Variants in TACC1 observed in about 807,000 individuals in gnomAD.
TACC1 encodes the protein transforming acidic coiled-coil containing protein 1, also known as transforming acidic coiled-coil-containing protein 1.
TACC1 carries 48 observed loss-of-function variants against 84.4 expected under a neutral mutation model. The observed-to-expected ratio is 0.57, with a 90% confidence interval of 0.45 to 0.72. TACC1 has a LOEUF of 0.72. Ranked by LOEUF, TACC1 falls within the 30% of genes least tolerant of loss-of-function variation. The probability of loss-of-function intolerance (pLI) is 0.00; values close to 1 mark genes in which losing one functional copy is unlikely to be tolerated. For synonymous variants in TACC1, 372 were observed against 376.3 expected, an observed-to-expected ratio of 0.99 and a Z score of 0.13; for missense variants, 920 against 973.0, an observed-to-expected ratio of 0.95 and a Z score of 0.72.
chr8:38,730,861 T>C (rs1293872101), intron 1 of TACC1, among the ~76,000 whole-genome samples: 1 of 152,214 alleles, frequency 6.6e-6, no homozygotes, highest in East Asian at 1.9e-4. Context: ...TTAGAATTCT[T>C]GTCCAAACTG....
chr8:38,839,296 T>C (rs1830781293), intron 8 of TACC1: 1 of 395,302 alleles, frequency 2.5e-6, no homozygotes, highest in African/African-American at 2.1e-5. Flanking sequence ...TGACTTGAAA[T>C]CGAAATCTTT....
At chr8:38,836,856 G>T (rs570660291) in intron 7 of TACC1, among the ~76,000 whole-genome samples, 1 of 152,116 alleles carries the variant, frequency 6.6e-6, no homozygotes, top group Non-Finnish European at 1.5e-5. Flanking sequence ...GCTGTATTTT[G>T]TGTGTTTGTT....
At chr8:38,737,949 A>C (rs1806293940) in intron 1 of TACC1, among the ~76,000 whole-genome samples, 2 of 151,818 alleles carry the variant, frequency 1.3e-5, no homozygotes, top group African/African-American at 4.8e-5. Flanking sequence ...CTCGTCTCAA[A>C]CTTCTGACCT....
intron 3 of TACC1, chr8:38,757,369 G>A (rs1216973444): frequency 7.9e-7 from 1 of 1,263,824 alleles, no homozygotes. Context: ...GAGGGGCCGG[G>A]AACCCGCCGG....
chr8:38,777,393 G>A (rs191773789), intron 3 of TACC1, among the ~76,000 whole-genome samples: 54 of 152,278 alleles, frequency 3.5e-4, no homozygotes, highest in African/African-American at 1.2e-3. Flanking sequence ...GCTCTATCCT[G>A]TCCAGAGTGT....
At chr8:38,795,707 G>A (rs768412177) in intron 2 of TACC1, among the ~76,000 whole-genome samples, 12 of 152,186 alleles carry the variant, frequency 7.9e-5, no homozygotes, top group Non-Finnish European at 2.9e-5. Context: ...CCTCTCAGTG[G>A]AGATTTCATA....
In TACC1 at chr8:38,778,983, T is replaced by C. The variant is rs561716644; in HGVS notation, c.27-9721T>C. Among the ~76,000 whole-genome samples, 186 of 151,764 alleles carry C rather than the reference T, an allele frequency of 1.2e-3. 1 individual carries two copies. Among genetic ancestry groups the C allele is most frequent in the Middle Eastern group, 6.8e-3 (2 of 294 alleles). ...TAGGGGTCCTTGGGTTTTTTTTTTT[T>C]TTTTCTTTTCTTTTTAGACAAGGTC... On this transcript the variant is annotated intron_variant, in intron 3 of 14. Transcript: ENST00000518415.
intron 1 of TACC1, among the ~76,000 whole-genome samples, chr8:38,737,830 C>T (rs903709874): frequency 1.3e-5 from 2 of 151,654 alleles, no homozygotes; most frequent in African/African-American, 4.8e-5. Context: ...TGGGTTCAAG[C>T]GATTCTCCTG....
At chr8:38,810,098 C>G (rs532559913) in intron 2 of TACC1, among the ~76,000 whole-genome samples, 8 of 152,064 alleles carry the variant, frequency 5.3e-5, no homozygotes, top group Non-Finnish European at 1.2e-4. Flanking sequence ...CTTCCACCAT[C>G]CTCTTTTTCT....
intron 2 of TACC1, among the ~76,000 whole-genome samples, chr8:38,808,376 GACTTGTGGTGTGAT>G (rs1283335992): frequency 2.6e-5 from 4 of 152,188 alleles, no homozygotes; most frequent in African/African-American, 9.7e-5. Context: ...TTATAAAAGT[GACTTGTGGTGTGAT>G]ACTTGAAGTT....
chr8:38,836,355 G>C, intron 7 of TACC1, 68 bp downstream of exon 7: 1 of 1,571,880 alleles, frequency 6.4e-7, no homozygotes, highest in Non-Finnish European at 8.6e-7. Flanking sequence ...CCAGCAGGTA[G>C]ATTGCATCTC....
intron 11 of TACC1, chr8:38,844,912 T>C (rs944945240): frequency 6.6e-6 from 1 of 152,154 alleles, no homozygotes; most frequent in Non-Finnish European, 1.5e-5. Context: ...TGGGGAGTGT[T>C]ATCCAACTTG....
chr8:38,800,925 T>C (rs574451917), intron 2 of TACC1, among the ~76,000 whole-genome samples: 2 of 152,338 alleles, frequency 1.3e-5, no homozygotes, highest in East Asian at 3.9e-4. Context: ...GTCTGTCTGT[T>C]TGGTTATAGC....
At chr8:38,821,196 C>A (rs1271714768) in intron 3 of TACC1, among the ~76,000 whole-genome samples, 1 of 150,442 alleles carries the variant, frequency 6.6e-6, no homozygotes, top group East Asian at 1.9e-4. Context: ...CAGCAAGACT[C>A]CATCTCAAAA....
chr8:38,773,716 A>G lies in TACC1; in HGVS notation c.27-14988A>G, dbSNP rs567611506. Reference sequence around the variant, plus strand: ...TATTCAGTCATCAAATATTGAGCAGAAGAAACAAGATAGGTAAGGTACTCT... The same window carrying G: ...TATTCAGTCATCAAATATTGAGCAGGAGAAACAAGATAGGTAAGGTACTCT... On this transcript the variant is annotated intron_variant, in intron 3 of 14. Coordinates refer to the TACC1 transcript ENST00000518415. Among the ~76,000 whole-genome samples the G allele has an allele frequency of 6.6e-5, 10 of 152,284 alleles. No homozygotes were observed. The South Asian group carries it at 2.1e-3, about 32-fold the overall frequency.
At chr8:38,773,690 T>G (rs1814191564) in intron 3 of TACC1, among the ~76,000 whole-genome samples, 1 of 151,968 alleles carries the variant, frequency 6.6e-6, no homozygotes, top group South Asian at 2.1e-4. Flanking sequence ...TTTGCAATCT[T>G]TATTCAGTCA....
intron 11 of TACC1, chr8:38,846,493 C>A: frequency 4.3e-6 from 2 of 465,520 alleles, no homozygotes; most frequent in Non-Finnish European, 3.6e-6. Flanking sequence ...TAGTGAGATA[C>A]AAATTTTGAA....
chr8:38,779,345 T>C (rs940846573), intron 3 of TACC1, among the ~76,000 whole-genome samples: 7 of 152,216 alleles, frequency 4.6e-5, no homozygotes, highest in African/African-American at 1.7e-4. Context: ...TTTCACACTT[T>C]GGTCACCACA....
intron 4 of TACC1, among the ~76,000 whole-genome samples, chr8:38,826,218 A>T (rs7815289): frequency 6.6e-6 from 1 of 151,932 alleles, no homozygotes; most frequent in Non-Finnish European, 1.5e-5. Context: ...GGGGAAATTT[A>T]CAATCTGAGT....
Sources: gnomAD v4.1 joint callset for allele counts (sites outside exome capture counted in the v4.1 genomes callset) on GRCh38, gnomAD v4.1.1 for gene constraint, MANE v1.5 for transcripts, NCBI Gene and HGNC (gene_info 2026-07-23, HGNC 2026-07-21) for gene names.